Variants in RAB8B observed in about 807,000 individuals in gnomAD.
RAB8B encodes ras-related protein Rab-8B.
Under a neutral mutation model 32.0 loss-of-function variants are expected in RAB8B, and 11 were observed. The observed-to-expected ratio is 0.34, with a 90% CI of 0.22 to 0.57. RAB8B has a LOEUF of 0.57. Among genes scored for constraint, RAB8B ranks in the 20% least tolerant of loss-of-function variants. The pLI is 0.86. For missense variants in RAB8B, 190 were observed against 258.5 expected (o/e 0.73, Z 1.82); for synonymous variants, 103 against 89.6 (o/e 1.15, Z -0.85).
intron 6 of RAB8B, among the ~76,000 whole-genome samples, chr15:63,260,819 CTG>C (rs1567022184): frequency 6.6e-6 from 1 of 151,880 alleles, no homozygotes; most frequent in Non-Finnish European, 1.5e-5. Context: ...TTTAATAATA[CTG>C]ATAGTTTCAT....
intron 1 of RAB8B, among the ~76,000 whole-genome samples, chr15:63,222,188 T>G (rs1294384434): frequency 1.1e-4 from 17 of 152,222 alleles, no homozygotes; most frequent in Admixed American, 1.0e-3. Context: ...GCTTTAGTTC[T>G]CACTGGACAG....
At chr15:63,235,501 T>C (rs1020831472) in intron 1 of RAB8B, among the ~76,000 whole-genome samples, 1 of 152,102 alleles carries the variant, frequency 6.6e-6, no homozygotes, top group Non-Finnish European at 1.5e-5. Context: ...CATGTCCATG[T>C]ACCCACCACT....
chr15:63,209,751 C>CT (rs879523185), intron 1 of RAB8B, among the ~76,000 whole-genome samples: 1,756 of 145,620 alleles, frequency 0.012, 25 homozygotes, highest in African/African-American at 0.034. Flanking sequence ...GCTCGTTTAT[C>CT]TTTTTTTTTT....
intron 1 of RAB8B, among the ~76,000 whole-genome samples, chr15:63,234,736 C>G (rs950128838): frequency 2.0e-5 from 3 of 152,158 alleles, no homozygotes; most frequent in Non-Finnish European, 4.4e-5. Context: ...CCTCAAATAC[C>G]ACCCTGCCTT....
chr15:63,241,790 T>C (rs2141134502), intron 1 of RAB8B, among the ~76,000 whole-genome samples: 1 of 152,208 alleles, frequency 6.6e-6, no homozygotes, highest in South Asian at 2.1e-4. Context: ...TAGAGGAGGA[T>C]TCCTAGAGGG....
chr15:63,261,488 A>G (rs996304045), intron 6 of RAB8B, among the ~76,000 whole-genome samples: 5 of 152,240 alleles, frequency 3.3e-5, no homozygotes, highest in African/African-American at 1.2e-4. Context: ...AAAATGTGGT[A>G]TGTATACACA....
At chr15:63,216,256 T>C (rs2037791173) in intron 1 of RAB8B, among the ~76,000 whole-genome samples, 1 of 144,578 alleles carries the variant, frequency 6.9e-6, no homozygotes, top group Admixed American at 7.0e-5. Flanking sequence ...GGAGACAGAG[T>C]CTTGCTCTGT....
chr15:63,242,916 A>C (rs200816270), intron 1 of RAB8B, among the ~76,000 whole-genome samples: 1 of 152,194 alleles, frequency 6.6e-6, no homozygotes, highest in East Asian at 1.9e-4. Context: ...CATTACATTT[A>C]TTATGCACTT....
chr15:63,260,378 A>G (rs1321478304), intron 6 of RAB8B, among the ~76,000 whole-genome samples: 1 of 152,248 alleles, frequency 6.6e-6, no homozygotes, highest in Non-Finnish European at 1.5e-5. Context: ...TCAAGGGAGA[A>G]TTAAGCTGTT....
chr15:63,254,407 T>A (rs919238411), intron 3 of RAB8B, among the ~76,000 whole-genome samples: 1 of 152,032 alleles, frequency 6.6e-6, no homozygotes, highest in African/African-American at 2.4e-5. Context: ...TTGTTAGCCA[T>A]CTACAAGAGG....
At chr15:63,221,372 G>C (rs911164259) in intron 1 of RAB8B, among the ~76,000 whole-genome samples, 1 of 152,168 alleles carries the variant, frequency 6.6e-6, no homozygotes, top group Non-Finnish European at 1.5e-5. Context: ...AAGCTATACT[G>C]TATGTATTAT....
chr15:63,252,103 T>G (rs1192711491), intron 3 of RAB8B, among the ~76,000 whole-genome samples: 1 of 151,914 alleles, frequency 6.6e-6, no homozygotes, highest in Admixed American at 6.6e-5. Flanking sequence ...CTTAGGAAGC[T>G]ATTCTTCTTG....
chr15:63,192,644 T>C (rs1567006401), intron 1 of RAB8B, among the ~76,000 whole-genome samples: 1 of 152,218 alleles, frequency 6.6e-6, no homozygotes, highest in African/African-American at 2.4e-5. Flanking sequence ...AGTCTTAATT[T>C]TGCTTTGTCA....
chr15:63,258,290 C>T (rs376700706), intron 5 of RAB8B, among the ~76,000 whole-genome samples: 54 of 151,912 alleles, frequency 3.6e-4, no homozygotes, highest in African/African-American at 1.1e-3. Flanking sequence ...TTAGTACAGA[C>T]GGGGTTTCAC....
intron 1 of RAB8B, among the ~76,000 whole-genome samples, chr15:63,199,538 C>A (rs902088795): frequency 6.6e-6 from 1 of 152,126 alleles, no homozygotes; most frequent in African/African-American, 2.4e-5. Flanking sequence ...GAAATAATTT[C>A]TTTAACATGC....
intron 1 of RAB8B, among the ~76,000 whole-genome samples, chr15:63,198,569 A>C (rs2037622348): frequency 6.6e-6 from 1 of 152,204 alleles, no homozygotes; most frequent in African/African-American, 2.4e-5. Context: ...AACCATCTGC[A>C]GAGCTGTTAA....
chr15:63,192,726 G>A (rs1490907330), intron 1 of RAB8B, among the ~76,000 whole-genome samples: 1 of 152,160 alleles, frequency 6.6e-6, no homozygotes. Context: ...CTGTCATCAC[G>A]AAGGGAAGGA....
Position 63,259,535 on chromosome 15 carries a change from A to C in RAB8B, c.415-92A>C. 7 of 1,089,938 alleles carry C rather than the reference A, an allele frequency of 6.4e-6. No individual in the cohort carries two copies. The highest frequency in any genetic ancestry group is 8.2e-6 in the Non-Finnish European group (6 of 732,302). 67.5% of individuals were successfully genotyped at this position (1,089,938 alleles called of 1,614,324 possible). A position where few individuals can be genotyped will look rare whatever the true frequency, so the allele number is the denominator to read the frequency against. On this transcript the variant is annotated intron_variant, in intron 5 of 7. Transcript: ENST00000321437. This position sits in a 1 kb window ranked among gnomAD's most constrained non-coding sequence, Gnocchi z 4.4. ...ACAGGAGTTCTGAAATAGATACCCT[A>C]CCTTTGAGACTTTGAAAAACCTAAG...
At chr15:63,204,509 A>T (rs1407350455) in intron 1 of RAB8B, among the ~76,000 whole-genome samples, 1 of 152,228 alleles carries the variant, frequency 6.6e-6, no homozygotes, top group African/African-American at 2.4e-5. Flanking sequence ...ATTCTAGTTC[A>T]ATACCCTCTG....
Sources: gnomAD v4.1 joint callset for allele counts (sites outside exome capture counted in the v4.1 genomes callset) on GRCh38, gnomAD v4.1.1 for gene constraint, Gnocchi (gnomAD v3.1) non-coding constraint, MANE v1.5 for transcripts, NCBI Gene and HGNC (gene_info 2026-07-23, HGNC 2026-07-21) for gene names.